The following ULK4 variants were observed in gnomAD, a reference collection of about 807,000 sequenced individuals.
ULK4 encodes the protein unc-51 like kinase 4, also known as inactive serine/threonine-protein kinase ULK4.
A neutral mutation model predicts 160.6 loss-of-function variants in ULK4; 133 were observed. That is an observed-to-expected ratio of 0.83 (90% CI 0.72 to 0.96). The LOEUF (loss-of-function observed/expected upper bound fraction) is 0.96. ULK4 is among the 40% of genes least tolerant of loss of function. ULK4 has a pLI of 0.00. For synonymous variants in ULK4, 534 were observed against 539.8 expected, an observed-to-expected ratio of 0.99 and a Z score of 0.15; for missense variants, 1,580 against 1,499.5, an observed-to-expected ratio of 1.05 and a Z score of -0.89.
chr3:41,743,929 A>T (rs1559522247), intron 22 of ULK4, among the ~76,000 whole-genome samples: 1 of 151,900 alleles, frequency 6.6e-6, no homozygotes, highest in South Asian at 2.1e-4. Flanking sequence ...TAGTAAAGGG[A>T]AAGTAGGGAA....
chr3:41,755,228 A>C (rs1160600358), intron 21 of ULK4, among the ~76,000 whole-genome samples: 2 of 152,216 alleles, frequency 1.3e-5, no homozygotes, highest in Non-Finnish European at 2.9e-5. Context: ...AAGAGAGCTT[A>C]AGAGAGGCCA....
At chr3:41,902,641 G>T (rs1575918262) in intron 12 of ULK4, among the ~76,000 whole-genome samples, 1 of 134,142 alleles carries the variant, frequency 7.5e-6, no homozygotes, top group Non-Finnish European at 1.6e-5. Flanking sequence ...TTTAAAACAA[G>T]AAAATCTAAG....
intron 34 of ULK4, among the ~76,000 whole-genome samples, chr3:41,447,984 G>A (rs1216106438): frequency 6.6e-6 from 1 of 152,116 alleles, no homozygotes; most frequent in Non-Finnish European, 1.5e-5. Flanking sequence ...GGAGTGCTGC[G>A]GACAAATTCT....
chr3:41,603,100 A>C (rs534557885), intron 31 of ULK4, among the ~76,000 whole-genome samples: 1 of 152,250 alleles, frequency 6.6e-6, no homozygotes, highest in African/African-American at 2.4e-5. Flanking sequence ...CTCACTTAAA[A>C]TATAATAAAG....
intron 35 of ULK4, among the ~76,000 whole-genome samples, chr3:41,342,187 T>C (rs2080700253): frequency 6.6e-6 from 1 of 152,160 alleles, no homozygotes; most frequent in Admixed American, 6.5e-5. Flanking sequence ...AGCTTGTCTA[T>C]GAGTTTTCAT....
chr3:41,807,131 AAAAT>A (rs1205280941), intron 19 of ULK4, among the ~76,000 whole-genome samples: 3 of 152,120 alleles, frequency 2.0e-5, no homozygotes, highest in Non-Finnish European at 4.4e-5. Context: ...TTGTCTCAAA[AAAAT>A]AAAAAAATTT....
chr3:41,317,354 C>T (rs941825843), intron 35 of ULK4, among the ~76,000 whole-genome samples: 11 of 152,170 alleles, frequency 7.2e-5, no homozygotes, highest in South Asian at 2.1e-4. Flanking sequence ...GGGTTACAGG[C>T]GTGAGCCACC....
intron 30 of ULK4, among the ~76,000 whole-genome samples, chr3:41,625,830 C>T (rs909115390): frequency 2.6e-5 from 4 of 152,136 alleles, no homozygotes; most frequent in African/African-American, 9.7e-5. Context: ...TTTTTTTAAA[C>T]CAAAACCAAA....
At chr3:41,386,117 C>A (rs114094913) in intron 35 of ULK4, among the ~76,000 whole-genome samples, 1 of 152,142 alleles carries the variant, frequency 6.6e-6, no homozygotes, top group Admixed American at 6.6e-5. Context: ...AGCACTTCCA[C>A]GTTTGGCTCA....
chr3:41,574,077 G>A (rs1472109552), intron 31 of ULK4, among the ~76,000 whole-genome samples: 1 of 28,884 alleles, frequency 3.5e-5, no homozygotes, highest in Middle Eastern at 0.045. Context: ...AGCTACTTGG[G>A]AGGCTGAGGC....
At position 41,873,419 on chromosome 3, in the gene ULK4, C is replaced by T. The variant is rs1217325667; in HGVS notation, c.1656+10455G>A. Among the ~76,000 whole-genome samples the T allele has an allele frequency of 2.3e-4, 35 of 152,122 alleles. 1 individual carries two copies. Among genetic ancestry groups the T allele is most frequent in the Admixed American group, 2.3e-3 (35 of 15,274 alleles). ...TGTCCCAGACAGTCTTAAAGTATTA[C>T]TATTTCAGGATTTTAGCTGCCGCCA... On this transcript the variant is annotated intron_variant, in intron 17 of 36. Transcript: ENST00000301831.
chr3:41,950,249 G>C (rs1381428271), intron 2 of ULK4, among the ~76,000 whole-genome samples: 1 of 151,504 alleles, frequency 6.6e-6, no homozygotes, highest in African/African-American at 2.4e-5. Context: ...ACCACCCCCG[G>C]CTAATTTTTG....
At chr3:41,517,182 C>G (rs1244357864) in intron 32 of ULK4, among the ~76,000 whole-genome samples, 3 of 151,914 alleles carry the variant, frequency 2.0e-5, no homozygotes, top group Non-Finnish European at 4.4e-5. Context: ...CCACCATACA[C>G]CCATCAGAAT....
At chr3:41,936,776 T>C (rs879037610) in intron 3 of ULK4, among the ~76,000 whole-genome samples, 1 of 151,898 alleles carries the variant, frequency 6.6e-6, no homozygotes, top group Non-Finnish European at 1.5e-5. Context: ...GGAAGGATAG[T>C]GGGGAGGTGG....
intron 22 of ULK4, among the ~76,000 whole-genome samples, chr3:41,745,963 A>G (rs894498073): frequency 2.0e-5 from 3 of 151,176 alleles, no homozygotes; most frequent in Non-Finnish European, 4.4e-5. Flanking sequence ...GAAAAAAAAA[A>G]CTCTAAGAAA....
intron 5 of ULK4, among the ~76,000 whole-genome samples, chr3:41,927,818 T>C (rs1281521000): frequency 6.6e-6 from 1 of 152,110 alleles, no homozygotes; most frequent in Non-Finnish European, 1.5e-5. Context: ...ATCCTAAATA[T>C]ATATGCACCC....
At chr3:41,672,525 T>C (rs1457955581) in intron 29 of ULK4, among the ~76,000 whole-genome samples, 2 of 152,138 alleles carry the variant, frequency 1.3e-5, no homozygotes, top group East Asian at 3.9e-4. Context: ...GGTGGAATGA[T>C]ACATTCCAGA....
At chr3:41,344,473 C>A (rs530940371) in intron 35 of ULK4, among the ~76,000 whole-genome samples, 1 of 152,014 alleles carries the variant, frequency 6.6e-6, no homozygotes, top group East Asian at 1.9e-4. Context: ...AAAAATTGCC[C>A]GGGTGAGGTG....
intron 22 of ULK4, among the ~76,000 whole-genome samples, chr3:41,737,512 G>A (rs891074726): frequency 4.0e-5 from 6 of 151,690 alleles, no homozygotes; most frequent in Admixed American, 6.6e-5. Flanking sequence ...TGGAAAAAAC[G>A]ACTTTCAAGT....
Sources: gnomAD v4.1 joint callset for allele counts (sites outside exome capture counted in the v4.1 genomes callset) on GRCh38, gnomAD v4.1.1 for gene constraint, MANE v1.5 for transcripts, NCBI Gene and HGNC (gene_info 2026-07-23, HGNC 2026-07-21) for gene names.